Variants in SBF2 observed in about 807,000 individuals in gnomAD.
The protein encoded by SBF2 is myotubularin-related protein 13.
SBF2 carries 112 observed loss-of-function variants against 225.2 expected under a neutral mutation model. The observed-to-expected ratio is 0.50, with a 90% CI of 0.43 to 0.58. The LOEUF (loss-of-function observed/expected upper bound fraction) is 0.58. Among genes scored for constraint, SBF2 ranks in the 20% least tolerant of loss-of-function variants. The pLI is 0.00. For missense variants in SBF2, 1,996 were observed against 2,206.2 expected (o/e 0.90, Z 1.91); for synonymous variants, 763 against 773.3 (o/e 0.99, Z 0.22).
intron 2 of SBF2, among the ~76,000 whole-genome samples, chr11:10,138,585 G>A (rs1259907614): frequency 6.6e-6 from 1 of 150,928 alleles, no homozygotes; most frequent in East Asian, 1.9e-4. Flanking sequence ...CTCTTCTCCA[G>A]TATAAGCATG....
At chr11:9,935,571 A>C (rs988214857) in intron 16 of SBF2, among the ~76,000 whole-genome samples, 2 of 152,228 alleles carry the variant, frequency 1.3e-5, no homozygotes, top group Non-Finnish European at 2.9e-5. Context: ...ACAAGGCTAC[A>C]GTAACCAAAA....
chr11:10,227,252 T>C (rs1194185429), intron 1 of SBF2, among the ~76,000 whole-genome samples: 1 of 152,196 alleles, frequency 6.6e-6, no homozygotes, highest in African/African-American at 2.4e-5. Flanking sequence ...TTGCAAAAAT[T>C]TTCTCCCATT....
intron 1 of SBF2, among the ~76,000 whole-genome samples, chr11:10,204,358 T>G (rs530147827): frequency 6.6e-6 from 1 of 151,922 alleles, no homozygotes; most frequent in Non-Finnish European, 1.5e-5. Context: ...GAATGAAAGC[T>G]GGGTGTGGTG....
chr11:9,936,842 C>T (rs1303919668), intron 16 of SBF2, among the ~76,000 whole-genome samples: 5 of 152,120 alleles, frequency 3.3e-5, no homozygotes, highest in Non-Finnish European at 5.9e-5. Flanking sequence ...AGGAGAAATA[C>T]CTAATGTAAA....
chr11:9,873,458 A>C (rs1260214355), intron 17 of SBF2, among the ~76,000 whole-genome samples: 16 of 152,184 alleles, frequency 1.1e-4, no homozygotes, highest in African/African-American at 3.9e-4. Flanking sequence ...GATCCACTTA[A>C]TATGTATTTA....
At chr11:9,831,092 G>T (rs1331483245) in intron 27 of SBF2, among the ~76,000 whole-genome samples, 1 of 152,096 alleles carries the variant, frequency 6.6e-6, no homozygotes, top group Non-Finnish European at 1.5e-5. Flanking sequence ...TTTACCTCAT[G>T]GGCTCAAGTG....
intron 3 of SBF2, among the ~76,000 whole-genome samples, chr11:10,032,256 CCT>C (rs1429516915): frequency 2.6e-5 from 4 of 152,116 alleles, no homozygotes; most frequent in African/African-American, 9.7e-5. Context: ...TCGTGATTCC[CCT>C]CTTTTTAATA....
intron 33 of SBF2, among the ~76,000 whole-genome samples, chr11:9,793,958 A>G (rs1436318450): frequency 6.6e-6 from 1 of 152,234 alleles, no homozygotes; most frequent in Non-Finnish European, 1.5e-5. Flanking sequence ...TCAGCAAAAC[A>G]AACTGCTTTA....
chr11:10,100,714 T>C (rs2134966030), intron 2 of SBF2, among the ~76,000 whole-genome samples: 1 of 152,236 alleles, frequency 6.6e-6, no homozygotes, highest in Middle Eastern at 3.4e-3. Flanking sequence ...TTCAGGGGTG[T>C]TGGTTTTTCT....
At chr11:9,986,358 G>C (rs1015575734) in intron 13 of SBF2, among the ~76,000 whole-genome samples, 2 of 151,892 alleles carry the variant, frequency 1.3e-5, no homozygotes, top group Non-Finnish European at 2.9e-5. Context: ...ACAATCTAAG[G>C]TCATACCTCA....
At chr11:9,906,477 T>C (rs1862127684) in intron 16 of SBF2, among the ~76,000 whole-genome samples, 1 of 152,252 alleles carries the variant, frequency 6.6e-6, no homozygotes, top group Non-Finnish European at 1.5e-5. Flanking sequence ...CACTATTTAT[T>C]ATCTTACAAA....
intron 16 of SBF2, among the ~76,000 whole-genome samples, chr11:9,929,592 C>T (rs1194782176): frequency 6.6e-6 from 1 of 152,178 alleles, no homozygotes; most frequent in Non-Finnish European, 1.5e-5. Context: ...AACTGCAAGG[C>T]CTGCAGCTGG....
chr11:9,930,678 G>T (rs963189918), intron 16 of SBF2, among the ~76,000 whole-genome samples: 5 of 152,240 alleles, frequency 3.3e-5, no homozygotes, highest in African/African-American at 1.2e-4. Context: ...CTCCCAGCGT[G>T]ATCGATGCAG....
chr11:9,991,895 G>A (rs1947456917), intron 12 of SBF2, among the ~76,000 whole-genome samples: 1 of 152,062 alleles, frequency 6.6e-6, no homozygotes, highest in Non-Finnish European at 1.5e-5. Context: ...TGTAACTCCA[G>A]TTTGAAGTAA....
Position 9,808,146 on chromosome 11 carries a change from T to G in SBF2, c.4297A>C (p.Arg1433=). ...LVQLLSDPFY[R]TLEGFQMLVE... ...AACATCTGGAAGCCTTCAAGTGTCC[T>G]ATAAAAGGGATCACTGAGTAACTGA... is the stretch of plus-strand genomic sequence containing the variant. The change falls in exon 32 of 40, where the codon AGG becomes CGG. Residue 1433 remains arginine (R), a synonymous_variant. Transcript: ENST00000256190. 1 of 1,614,160 alleles carries G rather than the reference T, an allele frequency of 6.2e-7. No homozygotes were observed. Among genetic ancestry groups the G allele is most frequent in the South Asian group, 1.1e-5 (1 of 91,072 alleles).
At chr11:10,207,002 C>A (rs1957773586) in intron 1 of SBF2, among the ~76,000 whole-genome samples, 1 of 150,564 alleles carries the variant, frequency 6.6e-6, no homozygotes, top group African/African-American at 2.5e-5. Context: ...AGTTGCGTGA[C>A]TCTCATACTG....
At chr11:10,279,701 G>A (rs1963263805) in intron 1 of SBF2, among the ~76,000 whole-genome samples, 1 of 152,126 alleles carries the variant, frequency 6.6e-6, no homozygotes, top group African/African-American at 2.4e-5. Context: ...CCAGGCTGGG[G>A]TGCAATGGCA....
Position 9,917,124 on chromosome 11 carries a change from A to G in SBF2, c.1861-21113T>C, listed in dbSNP as rs796134072. 7.2e-5 allele frequency among the ~76,000 whole-genome samples: 11 copies of G among 151,934 alleles called. 2 individuals are homozygous for G. The highest frequency in any genetic ancestry group is 2.2e-4 in the African/African-American group (9 of 41,216). ...AAGATCTAGGAAATACATGTAAGTG[A>G]AAAGAAAGCAAAATATCTTGTGATA... On this transcript the variant is annotated intron_variant, in intron 16 of 39. Coordinates refer to ENST00000256190, the MANE Select transcript of SBF2 (RefSeq NM_030962.4).
At chr11:10,193,856 A>C in intron 2 of SBF2, 46 bp downstream of exon 2, 1 of 1,301,594 alleles carries the variant, frequency 7.7e-7, no homozygotes, top group Non-Finnish European at 1.1e-6. Context: ...TGTGACAAAA[A>C]AGAAAAGTAA....
Sources: gnomAD v4.1 joint callset for allele counts (sites outside exome capture counted in the v4.1 genomes callset) on GRCh38, gnomAD v4.1.1 for gene constraint, MANE v1.5 for transcripts, NCBI Gene and HGNC (gene_info 2026-07-23, HGNC 2026-07-21) for gene names.